Variants in LZTFL1 observed in about 807,000 individuals in gnomAD.
The protein encoded by LZTFL1 is leucine zipper transcription factor-like protein 1.
A neutral mutation model predicts 45.9 loss-of-function variants in LZTFL1; 25 were observed. The observed-to-expected ratio is 0.54, with a 90% CI of 0.40 to 0.76. The LOEUF (loss-of-function observed/expected upper bound fraction) is 0.76. Ranked by LOEUF, LZTFL1 falls within the 30% of genes least tolerant of loss-of-function variation. The pLI is 0.00. For missense variants in LZTFL1, 277 were observed against 331.1 expected (o/e 0.84, Z 1.27); for synonymous variants, 93 against 117.4 (o/e 0.79, Z 1.35).
intron 5 of LZTFL1, among the ~76,000 whole-genome samples, chr3:45,831,924 C>A (rs2125681264): frequency 6.6e-6 from 1 of 152,286 alleles, no homozygotes; most frequent in Non-Finnish European, 1.5e-5. Context: ...AACATCAGTT[C>A]TACTTTCCCA....
intron 2 of LZTFL1, among the ~76,000 whole-genome samples, chr3:45,875,749 T>C (rs1456528059): frequency 6.6e-6 from 1 of 152,230 alleles, no homozygotes; most frequent in Non-Finnish European, 1.5e-5. Context: ...ACGTGAAAAT[T>C]ATTTTGCAAA....
At chr3:45,878,588 C>A (rs1701792993) in intron 2 of LZTFL1, among the ~76,000 whole-genome samples, 1 of 149,598 alleles carries the variant, frequency 6.7e-6, no homozygotes. Flanking sequence ...TCACAAAGGC[C>A]CTCAAGTAAA....
At chr3:45,892,377 G>A (rs1482651453) in intron 2 of LZTFL1, among the ~76,000 whole-genome samples, 1 of 152,066 alleles carries the variant, frequency 6.6e-6, no homozygotes, top group Non-Finnish European at 1.5e-5. Flanking sequence ...ATACTACACA[G>A]CCATAAAAAA....
At chr3:45,897,453 G>A in intron 2 of LZTFL1, 1 of 733,724 alleles carries the variant, frequency 1.4e-6, no homozygotes, top group Non-Finnish European at 2.4e-6. Context: ...CCTTGTCTGG[G>A]ATTCAGTCTT....
chr3:45,827,106 C>A, intron 9 of LZTFL1: 1 of 435,184 alleles, frequency 2.3e-6, no homozygotes, highest in East Asian at 4.2e-5. Context: ...CTAAGTGAAT[C>A]CATTGCCAAG....
chr3:45,893,688 TA>T (rs1423379499), intron 2 of LZTFL1, among the ~76,000 whole-genome samples: 2 of 152,254 alleles, frequency 1.3e-5, no homozygotes, highest in Non-Finnish European at 2.9e-5. Flanking sequence ...ATCCATTTAC[TA>T]CTTGATGGAC....
At position 45,837,956 on chromosome 3, in the gene LZTFL1, A is replaced by T; in HGVS notation, c.99T>A (p.Asp33Glu). The T allele has an allele frequency of 6.2e-7, 1 of 1,613,426 alleles. No individual in the cohort carries two copies. ...SKRGLRLKTV[D>E]SCFQDLKESR... ...TCTCCTTGAGGTCTTGGAAGCAGGA[A>T]TCTACAGTTTTGAGTCTCAAGCCTC... is the stretch of plus-strand genomic sequence containing the variant. Residue 33 changes from aspartate to glutamate, a missense_variant, in exon 2 of 10, where the codon GAT (aspartate) becomes GAA (glutamate). Coordinates refer to ENST00000296135, the MANE Select transcript of LZTFL1 (RefSeq NM_020347.4).
chr3:45,835,861 C>A (rs1039145732), intron 2 of LZTFL1, 77 bp from the exon 3 acceptor site: 2 of 1,007,816 alleles, frequency 2.0e-6, no homozygotes, highest in Non-Finnish European at 1.5e-6. Context: ...ATTAAGAAAC[C>A]CACATTCATG....
intron 2 of LZTFL1, among the ~76,000 whole-genome samples, chr3:45,908,671 G>A (rs1000941636): frequency 6.6e-6 from 1 of 152,160 alleles, no homozygotes; most frequent in Non-Finnish European, 1.5e-5. Flanking sequence ...CCAAGGCCCC[G>A]CACCACTCAT....
At chr3:45,878,931 T>A (rs1395929040) in intron 2 of LZTFL1, among the ~76,000 whole-genome samples, 1 of 152,160 alleles carries the variant, frequency 6.6e-6, no homozygotes, top group African/African-American at 2.4e-5. Context: ...TGAAAATACA[T>A]TCGACATCAT....
chr3:45,882,953 A>G (rs1701889338), intron 2 of LZTFL1, among the ~76,000 whole-genome samples: 3 of 152,142 alleles, frequency 2.0e-5, no homozygotes, highest in Admixed American at 2.0e-4. Context: ...GTTTTAGAAC[A>G]AGTAAAACAC....
chr3:45,831,117 C>T lies in LZTFL1; in HGVS notation c.478G>A (p.Glu160Lys), dbSNP rs1700803783. ...LNKEILRLQEENEKLKSRLKT... is the reference protein window; with the variant it reads ...LNKEILRLQEKNEKLKSRLKT... Reference sequence around the variant, plus strand: ...AACCTTGACTTCAATTTCTCATTCTCTTCTTGAAGTCTTAAAATTTCCTTT... The same window carrying T: ...AACCTTGACTTCAATTTCTCATTCTTTTCTTGAAGTCTTAAAATTTCCTTT... The change falls in exon 6 of 10, where the codon GAG becomes AAG. Residue 160 changes from glutamate (E) to lysine (K), a missense_variant. By Grantham distance (56) the Glu-to-Lys change is moderately conservative (BLOSUM62 1). Transcript: ENST00000296135. 1 of 1,590,616 alleles carries T rather than the reference C, an allele frequency of 6.3e-7. No individual in the cohort carries two copies. The highest frequency in any genetic ancestry group is 2.2e-5 in the East Asian group (1 of 44,518).
chr3:45,907,360 C>T (rs1427844664), intron 2 of LZTFL1, among the ~76,000 whole-genome samples: 3 of 152,334 alleles, frequency 2.0e-5, no homozygotes, highest in African/African-American at 7.2e-5. Flanking sequence ...ACCACCTGGA[C>T]GAACACTGTG....
chr3:45,829,863 C>T (rs1003971182), intron 7 of LZTFL1, among the ~76,000 whole-genome samples: 4 of 152,098 alleles, frequency 2.6e-5, no homozygotes, highest in African/African-American at 4.8e-5. Context: ...CTGGAACATT[C>T]GTGTTTTTAT....
intron 3 of LZTFL1, among the ~76,000 whole-genome samples, chr3:45,856,716 C>T (rs1162339855): frequency 5.3e-5 from 8 of 152,012 alleles, no homozygotes; most frequent in Non-Finnish European, 1.2e-4. Context: ...GGGCAAAAGA[C>T]ATGAACAGAC....
At chr3:45,885,084 T>G (rs1701945246) in intron 2 of LZTFL1, among the ~76,000 whole-genome samples, 1 of 152,194 alleles carries the variant, frequency 6.6e-6, no homozygotes, top group Non-Finnish European at 1.5e-5. Flanking sequence ...TTGGCCTTTT[T>G]CCATTTAGAC....
intron 2 of LZTFL1, among the ~76,000 whole-genome samples, chr3:45,871,756 A>G (rs901270654): frequency 3.3e-5 from 5 of 152,198 alleles, no homozygotes; most frequent in Non-Finnish European, 5.9e-5. Flanking sequence ...GCAAAGGCAA[A>G]GATGAAAGAC....
intron 2 of LZTFL1, among the ~76,000 whole-genome samples, chr3:45,909,817 G>A (rs1050069207): frequency 4.6e-5 from 7 of 152,198 alleles, no homozygotes; most frequent in Non-Finnish European, 5.9e-5. Flanking sequence ...GATAAAGGCC[G>A]CAGTGAGCTC....
At chr3:45,909,080 C>T (rs532099513) in intron 2 of LZTFL1, among the ~76,000 whole-genome samples, 3 of 152,324 alleles carry the variant, frequency 2.0e-5, no homozygotes. Flanking sequence ...CTATGAGAAT[C>T]TAATGCCTGG....
Sources: gnomAD v4.1 joint callset for allele counts (sites outside exome capture counted in the v4.1 genomes callset) on GRCh38, gnomAD v4.1.1 for gene constraint, MANE v1.5 for transcripts, NCBI Gene and HGNC (gene_info 2026-07-23, HGNC 2026-07-21) for gene names.